Variants in TXNDC9 observed in about 807,000 individuals in gnomAD.
TXNDC9 encodes the protein thioredoxin domain containing 9, also known as thioredoxin domain-containing protein 9.
A neutral mutation model predicts 23.0 loss-of-function variants in TXNDC9; 7 were observed. That is an observed-to-expected ratio of 0.30 (90% CI 0.17 to 0.57). The LOEUF (loss-of-function observed/expected upper bound fraction) is 0.57, where lower values mean the gene tolerates loss of function less well. Among genes scored for constraint, TXNDC9 ranks in the 20% least tolerant of loss-of-function variants. TXNDC9 has a pLI of 0.90. For missense variants in TXNDC9, 198 were observed against 252.6 expected, an observed-to-expected ratio of 0.78 and a Z score of 1.47; for synonymous variants, 72 against 90.6, an observed-to-expected ratio of 0.79 and a Z score of 1.17.
rs866424468 is a variant in TXNDC9 at position 99,324,816 on chromosome 2, G to A, written c.309-2607C>T. 2.0e-4 allele frequency among the ~76,000 whole-genome samples: 30 copies of A among 152,352 alleles called. No individual in the cohort carries two copies. The Middle Eastern group carries it at 0.01, about 52-fold the overall frequency. On this transcript the variant is annotated intron_variant, in intron 3 of 4. Coordinates refer to ENST00000264255, the MANE Select transcript of TXNDC9 (RefSeq NM_005783.4). Reference sequence around the variant, plus strand: ...GCTGGAGTGCAGTGGCACGATCTCAGCTCAATGCAACCTCCGCCTCCCAGG... The same window carrying A: ...GCTGGAGTGCAGTGGCACGATCTCAACTCAATGCAACCTCCGCCTCCCAGG...
chr2:99,325,481 G>A (rs962845346), intron 3 of TXNDC9, among the ~76,000 whole-genome samples: 6 of 152,300 alleles, frequency 3.9e-5, no homozygotes, highest in Admixed American at 2.6e-4. Context: ...TGCCTACTAT[G>A]TGCTAGGAAC....
At chr2:99,322,369 A>T in intron 3 of TXNDC9, 160 bp from the exon 4 acceptor site, 1 of 1,235,354 alleles carries the variant, frequency 8.1e-7, no homozygotes, top group Admixed American at 3.0e-5. Flanking sequence ...CTTCCAGATC[A>T]GAGGTTAGCT....
the TXNDC9 span, among the ~76,000 whole-genome samples, chr2:99,313,881 T>C: frequency 1.3e-4 from 20 of 152,208 alleles, no homozygotes; most frequent in Non-Finnish European, 2.6e-4. Flanking sequence ...TCCTAAAATA[T>C]TCTAACATCT....
chr2:99,317,148 G>GT (rs1037648353), downstream of TXNDC9, among the ~76,000 whole-genome samples: 5 of 151,928 alleles, frequency 3.3e-5, no homozygotes, highest in Admixed American at 2.0e-4. Context: ...GTTTCCTTTA[G>GT]TTTTTTTTGG....
intron 3 of TXNDC9, among the ~76,000 whole-genome samples, chr2:99,323,970 C>T (rs536841366): frequency 3.3e-5 from 5 of 152,056 alleles, no homozygotes; most frequent in East Asian, 3.9e-4. Flanking sequence ...CTCAGCCTCC[C>T]GAGTAGCTGG....
the TXNDC9 span, among the ~76,000 whole-genome samples, chr2:99,306,204 T>TAAA: frequency 6.6e-6 from 1 of 150,376 alleles, no homozygotes; most frequent in South Asian, 2.1e-4. Flanking sequence ...TTCTTATAAG[T>TAAA]AAAAAACACA....
intron 4 of TXNDC9, 100 bp from the exon 5 acceptor site, chr2:99,319,899 A>C (rs2094197492): frequency 2.7e-6 from 2 of 735,072 alleles, no homozygotes; most frequent in South Asian, 2.0e-5. Flanking sequence ...ACATAGAATA[A>C]AATTTCTTTA....
the TXNDC9 span, among the ~76,000 whole-genome samples, chr2:99,311,842 CAA>C: frequency 6.6e-6 from 1 of 152,204 alleles, no homozygotes; most frequent in Non-Finnish European, 1.5e-5. Context: ...TTTTAAGTAA[CAA>C]AGTTTTATTA....
intron 3 of TXNDC9, chr2:99,322,417 T>C: frequency 1.6e-6 from 2 of 1,239,334 alleles, no homozygotes; most frequent in Non-Finnish European, 2.2e-6. Flanking sequence ...TATAAGATTC[T>C]AGAAAGTCAG....
intron 4 of TXNDC9, 76 bp from the exon 5 acceptor site, chr2:99,319,875 G>T (rs1049631718): frequency 1.1e-6 from 1 of 882,662 alleles, no homozygotes; most frequent in Non-Finnish European, 1.7e-6. Flanking sequence ...ATCTATCTTT[G>T]TTTTCTTCCT....
At chr2:99,332,685 G>A (rs148512089) in intron 2 of TXNDC9, 152 of 215,858 alleles carry the variant, frequency 7.0e-4, no homozygotes, top group Non-Finnish European at 1.1e-3. Context: ...GTCTTATCTC[G>A]TTTGCTTTGA....
At chr2:99,311,228 CAGG>C in the TXNDC9 span, among the ~76,000 whole-genome samples, 7 of 152,100 alleles carry the variant, frequency 4.6e-5, no homozygotes, top group African/African-American at 1.7e-4. Flanking sequence ...TCTTCTGACA[CAGG>C]AGAATTTTTT....
At chr2:99,313,199 A>G in the TXNDC9 span, among the ~76,000 whole-genome samples, 1 of 151,868 alleles carries the variant, frequency 6.6e-6, no homozygotes, top group Non-Finnish European at 1.5e-5. Flanking sequence ...CAACAATAAA[A>G]CAAACAAAAC....
At chr2:99,332,766 A>G (rs1435692301) in intron 2 of TXNDC9, 1 of 406,018 alleles carries the variant, frequency 2.5e-6, no homozygotes, top group Non-Finnish European at 4.4e-6. Flanking sequence ...ATTCAACCAA[A>G]CAAATCCAAG....
chr2:99,327,120 TG>T (rs1360713625), intron 3 of TXNDC9, among the ~76,000 whole-genome samples: 1 of 152,184 alleles, frequency 6.6e-6, no homozygotes, highest in Non-Finnish European at 1.5e-5. Context: ...TCGCTCGAGC[TG>T]AAGTGCAGTG....
intron 3 of TXNDC9, chr2:99,322,558 T>G: frequency 6.6e-7 from 1 of 1,510,810 alleles, no homozygotes; most frequent in South Asian, 1.3e-5. Flanking sequence ...GGAAGAGACT[T>G]ACAAGAATCA....
chr2:99,330,373 A>C (rs13013984), intron 2 of TXNDC9, among the ~76,000 whole-genome samples: 58,287 of 149,126 alleles, frequency 0.39, 12,297 homozygotes, highest in East Asian at 0.64. Context: ...GAGGCTGAAG[A>C]CCCGAACCTG....
downstream of TXNDC9, among the ~76,000 whole-genome samples, chr2:99,313,997 A>T (rs1293631651): frequency 6.6e-6 from 1 of 152,066 alleles, no homozygotes; most frequent in Non-Finnish European, 1.5e-5. Flanking sequence ...AATATATATG[A>T]TTTGTTTTGG....
chr2:99,332,725 G>A (rs2094228969), intron 2 of TXNDC9: 1 of 288,406 alleles, frequency 3.5e-6, no homozygotes, highest in Non-Finnish European at 6.4e-6. Flanking sequence ...AATATTACCT[G>A]AAATGGAAAC....
Sources: gnomAD v4.1 joint callset for allele counts (sites outside exome capture counted in the v4.1 genomes callset) on GRCh38, gnomAD v4.1.1 for gene constraint, MANE v1.5 for transcripts, NCBI Gene and HGNC (gene_info 2026-07-23, HGNC 2026-07-21) for gene names.